Variants in DOK6 observed in about 807,000 individuals in gnomAD.
DOK6 encodes downstream of tyrosine kinase 6.
Under a neutral mutation model 44.0 loss-of-function variants are expected in DOK6, and 22 were observed. The ratio of observed to expected loss-of-function variants is 0.50; its 90% CI spans 0.36 to 0.71. The LOEUF (loss-of-function observed/expected upper bound fraction) is 0.71. Among genes scored for constraint, DOK6 ranks in the 30% least tolerant of loss-of-function variants. The pLI, the probability that DOK6 is intolerant of heterozygous loss-of-function variation, is 0.00. For synonymous variants in DOK6, 166 were observed against 145.5 expected (o/e 1.14, Z -1.01); for missense variants, 340 against 416.4 (o/e 0.82, Z 1.60).
intron 1 of DOK6, among the ~76,000 whole-genome samples, chr18:69,536,074 A>G (rs999009040): frequency 6.6e-6 from 1 of 152,144 alleles, no homozygotes; most frequent in African/African-American, 2.4e-5. Flanking sequence ...ATAATCAGGC[A>G]TTTACCAAGA....
intron 7 of DOK6, among the ~76,000 whole-genome samples, chr18:69,807,688 A>G (rs565997284): frequency 6.6e-6 from 1 of 152,058 alleles, no homozygotes; most frequent in South Asian, 2.1e-4. Context: ...AAACTGTAAA[A>G]TGAAACAAAT....
intron 7 of DOK6, among the ~76,000 whole-genome samples, chr18:69,835,489 A>ACG (rs1179351006): frequency 4.2e-5 from 3 of 71,030 alleles, no homozygotes; most frequent in Non-Finnish European, 1.1e-4. Flanking sequence ...AACAACAAAA[A>ACG]AAAAAACAGC....
intron 2 of DOK6, among the ~76,000 whole-genome samples, chr18:69,567,327 A>G (rs1983008096): frequency 6.6e-6 from 1 of 152,224 alleles, no homozygotes; most frequent in Admixed American, 6.5e-5. Flanking sequence ...TTTTTAAAAA[A>G]ATAGGATAAT....
Position 69,613,476 on chromosome 18 carries a change from C to T in DOK6, c.289+13978C>T, listed in dbSNP as rs538177494. On this transcript the variant is annotated intron_variant, in intron 3 of 7. Coordinates refer to ENST00000382713, the MANE Select transcript of DOK6 (RefSeq NM_152721.6). ...AGAAACCCAAAGTTTGGTTAATAGA[C>T]TCTGCCACTGGAGAAATAAACCACT... Among the ~76,000 whole-genome samples the T allele has an allele frequency of 2.6e-3, 392 of 152,178 alleles. 3 individuals carry two copies. Among genetic ancestry groups the T allele is most frequent in the African/African-American group, 9.1e-3 (376 of 41,506 alleles).
intron 3 of DOK6, among the ~76,000 whole-genome samples, chr18:69,656,744 T>C (rs1179456071): frequency 6.6e-6 from 1 of 152,232 alleles, no homozygotes; most frequent in African/African-American, 2.4e-5. Context: ...AAGATCATTG[T>C]ATTTTTTTCT....
rs576704676 is a variant in DOK6 at position 69,666,484 on chromosome 18, A to T, written c.290-11250A>T. On this transcript the variant is annotated intron_variant, in intron 3 of 7. Transcript: ENST00000382713. ...AATGTTAGGCACGCACCTGTAACAA[A>T]CAATCCCAAAATTTCAGTGTCTTAA... Among the ~76,000 whole-genome samples, 25 of 152,252 alleles carry T rather than the reference A, an allele frequency of 1.6e-4. No homozygotes were observed. The South Asian group carries it at 4.6e-3, about 28-fold the overall frequency.
chr18:69,758,258 C>T (rs1979425651), intron 7 of DOK6, among the ~76,000 whole-genome samples: 1 of 152,126 alleles, frequency 6.6e-6, no homozygotes, highest in African/African-American at 2.4e-5. Flanking sequence ...GTTCAGGAGG[C>T]TGACTTCAGG....
At chr18:69,507,058 T>A (rs1981211080) in intron 1 of DOK6, among the ~76,000 whole-genome samples, 1 of 152,080 alleles carries the variant, frequency 6.6e-6, no homozygotes, top group Non-Finnish European at 1.5e-5. Flanking sequence ...ACAGAGTCTT[T>A]GTCACCCAGG....
At chr18:69,644,339 T>C (rs1009159577) in intron 3 of DOK6, among the ~76,000 whole-genome samples, 2 of 152,230 alleles carry the variant, frequency 1.3e-5, no homozygotes, top group African/African-American at 4.8e-5. Flanking sequence ...CTTTGCGTAC[T>C]CTTAATTCCT....
intron 1 of DOK6, among the ~76,000 whole-genome samples, chr18:69,466,281 C>T (rs76644787): frequency 0.078 from 11,905 of 152,188 alleles, 541 homozygotes; most frequent in Middle Eastern, 0.13. Context: ...TCCTTCTGTG[C>T]CTGCCTTATT....
At chr18:69,480,642 T>C (rs1177796512) in intron 1 of DOK6, among the ~76,000 whole-genome samples, 1 of 152,170 alleles carries the variant, frequency 6.6e-6, no homozygotes, top group East Asian at 1.9e-4. Flanking sequence ...TATTGTGTAA[T>C]CCCTCTGCGT....
intron 7 of DOK6, among the ~76,000 whole-genome samples, chr18:69,799,163 G>GA (rs1980831836): frequency 6.6e-6 from 1 of 151,512 alleles, no homozygotes; most frequent in Non-Finnish European, 1.5e-5. Flanking sequence ...TGACCTATAA[G>GA]AAAAAAAATG....
At chr18:69,482,865 T>C (rs1419881335) in intron 1 of DOK6, among the ~76,000 whole-genome samples, 1 of 152,042 alleles carries the variant, frequency 6.6e-6, no homozygotes, top group Non-Finnish European at 1.5e-5. Context: ...GCTGTTCTTT[T>C]AAAAATTATT....
chr18:69,469,292 AG>A (rs1980018340), intron 1 of DOK6, among the ~76,000 whole-genome samples: 1 of 152,222 alleles, frequency 6.6e-6, no homozygotes, highest in Non-Finnish European at 1.5e-5. Context: ...AGTAATTATT[AG>A]ATTTATACAA....
At chr18:69,411,683 C>T (rs1407716496) in intron 1 of DOK6, among the ~76,000 whole-genome samples, 12 of 152,032 alleles carry the variant, frequency 7.9e-5, no homozygotes, top group Non-Finnish European at 1.3e-4. Flanking sequence ...TCATTCCATT[C>T]ATCTTTCTTG....
chr18:69,716,733 C>T (rs956721101), intron 5 of DOK6, among the ~76,000 whole-genome samples: 2 of 148,230 alleles, frequency 1.3e-5, no homozygotes, highest in Middle Eastern at 3.6e-3. Context: ...TTACCTATAA[C>T]CAGGAACTGG....
rs192397310 is a variant in DOK6, at chr18:69,622,923, A to C, written c.289+23425A>C. ...TTCCTGAATCACACGGAAGTGAAAT[A>C]AACCCATTTGAGTCGGAATTGCCAT... On this transcript the variant is annotated intron_variant, in intron 3 of 7. Transcript: ENST00000382713. Among the ~76,000 whole-genome samples, 5 of 152,304 alleles carry C rather than the reference A, an allele frequency of 3.3e-5. No homozygotes were observed. In the East Asian group the frequency reaches 9.7e-4, roughly 29 times the overall value.
At chr18:69,595,807 T>G (rs1983727604) in intron 2 of DOK6, among the ~76,000 whole-genome samples, 1 of 152,144 alleles carries the variant, frequency 6.6e-6, no homozygotes. Context: ...CCATGCGTAG[T>G]TTTTTCACTA....
At chr18:69,457,045 T>C (rs970493709) in intron 1 of DOK6, among the ~76,000 whole-genome samples, 1 of 152,216 alleles carries the variant, frequency 6.6e-6, no homozygotes, top group Non-Finnish European at 1.5e-5. Flanking sequence ...TTCTGGATAT[T>C]AGACCTTTGT....
Sources: allele counts gnomAD v4.1 joint callset (sites outside exome capture counted in the v4.1 genomes callset), GRCh38; gene constraint gnomAD v4.1.1; transcripts MANE v1.5; gene names NCBI Gene and HGNC (gene_info 2026-07-23, HGNC 2026-07-21).